IL12RB1: variants seen among roughly 807,000 people sequenced by gnomAD.
The protein encoded by IL12RB1 is interleukin 12 receptor subunit beta 1.
IL12RB1 carries 64 observed loss-of-function variants against 94.4 expected under a neutral mutation model. The ratio of observed to expected loss-of-function variants is 0.68; its 90% confidence interval spans 0.55 to 0.83. The LOEUF is 0.83. IL12RB1 is among the 40% of genes least tolerant of loss of function. The pLI is 0.00. For synonymous variants in IL12RB1, 362 were observed against 355.5 expected, an observed-to-expected ratio of 1.02 and a Z score of -0.21; for missense variants, 814 against 855.6, an observed-to-expected ratio of 0.95 and a Z score of 0.61.
chr19:18,093,700 C>T (rs1261734795), intron 1 of IL12RB1, among the ~76,000 whole-genome samples: 1 of 152,176 alleles, frequency 6.6e-6, no homozygotes. Flanking sequence ...GAGTCTGAGT[C>T]ACATGTCCAC....
chr19:18,077,696 G>A (rs1230070380), intron 4 of IL12RB1, 41 bp from the exon 5 acceptor site: 9 of 1,348,990 alleles, frequency 6.7e-6, no homozygotes, highest in South Asian at 2.3e-5. Context: ...CAGCCCACAC[G>A]TATGTGAGTT....
chr19:18,080,860 A>AG lies in IL12RB1; in HGVS notation c.380dup (p.Glu128Ter), dbSNP rs1469690184. On this transcript the variant is annotated frameshift_variant, in exon 4 of 17. Transcript: ENST00000593993. LOFTEE classifies it high-confidence loss of function. The stretch of plus-strand genomic sequence containing the variant: ...AGTTGTAGAGCTGCAGGGTCACCTC[A>AG]GGAGACTTCTCTGTCTGGTTCCTGG... The AG allele has an allele frequency of 1.2e-6, 2 of 1,612,124 alleles. No individual in the cohort carries two copies. Among genetic ancestry groups the AG allele is most frequent in the African/African-American group, 2.7e-5 (2 of 74,898 alleles).
intron 16 of IL12RB1, 54 bp from the exon 17 acceptor site, chr19:18,059,667 T>C: frequency 2.6e-6 from 2 of 779,664 alleles, no homozygotes; most frequent in Non-Finnish European, 4.8e-6. Context: ...AGGGATTTGG[T>C]AGGGAATCAT....
upstream of IL12RB1, among the ~76,000 whole-genome samples, chr19:18,087,992 C>T (rs1386995125): frequency 2.0e-5 from 3 of 152,136 alleles, no homozygotes; most frequent in Admixed American, 6.5e-5. Context: ...CTGGGCTCAC[C>T]CCTCTAATCC....
chr19:18,078,384 G>A (rs891090324), intron 4 of IL12RB1, among the ~76,000 whole-genome samples: 7 of 151,996 alleles, frequency 4.6e-5, no homozygotes, highest in African/African-American at 1.7e-4. Context: ...TCCGGCCTGG[G>A]TGACAGAGCA....
intron 5 of IL12RB1, 49 bp downstream of exon 5, chr19:18,077,467 G>A (rs760174031): frequency 3.4e-6 from 5 of 1,460,220 alleles, no homozygotes; most frequent in Non-Finnish European, 4.7e-6. Flanking sequence ...GGGGGTGAAG[G>A]TGCCCTGGAG....
chr19:18,059,774 T>A, intron 16 of IL12RB1, 120 bp downstream of exon 16: 1 of 727,360 alleles, frequency 1.4e-6, no homozygotes, highest in Non-Finnish European at 2.6e-6. Flanking sequence ...ACAAAGTGGA[T>A]GTTTTCGTTT....
At chr19:18,059,853 G>C in intron 16 of IL12RB1, 41 bp downstream of exon 16, 252 of 1,051,358 alleles carry the variant, frequency 2.4e-4, no homozygotes, top group Non-Finnish European at 3.1e-4. Context: ...CCCCCGGGCA[G>C]GGTTGCACCC....
intron 14 of IL12RB1, 59 bp downstream of exon 14, chr19:18,062,122 G>C (rs2034179660): frequency 5.9e-6 from 7 of 1,182,284 alleles, no homozygotes; most frequent in South Asian, 2.4e-5. Flanking sequence ...CTCCACTTTA[G>C]GGCTCCCCTG....
chr19:18,084,690 C>T (rs577265138), intron 1 of IL12RB1, among the ~76,000 whole-genome samples: 3,423 of 137,518 alleles, frequency 0.025, 57 homozygotes, highest in Non-Finnish European at 0.038. Context: ...TCCATCCATC[C>T]ATCCATCCAT....
upstream of IL12RB1, among the ~76,000 whole-genome samples, chr19:18,087,157 T>C (rs558163996): frequency 1.3e-5 from 2 of 150,478 alleles, no homozygotes; most frequent in African/African-American, 4.9e-5. Flanking sequence ...CATGGGCCCA[T>C]GGGCCACCTG....
intron 1 of IL12RB1, among the ~76,000 whole-genome samples, chr19:18,096,818 C>T (rs1026050646): frequency 1.4e-5 from 2 of 144,024 alleles, no homozygotes; most frequent in African/African-American, 5.3e-5. Flanking sequence ...AACAGAGAGA[C>T]TCGTCTCATA....
chr19:18,062,212 C>A lies in IL12RB1; in HGVS notation c.1684G>T (p.Val562Leu). ...AGGCCAAGGTAGCCAAGGACGCCCACGAGAAGGATGCTCAGGAAGCTCCCC... is the reference window on the plus strand; with the variant it reads ...AGGCCAAGGTAGCCAAGGACGCCCAAGAGAAGGATGCTCAGGAAGCTCCCC... ...SLGSFLSILL[V>L]GVLGYLGLNR... Residue 562 changes from valine (V) to leucine (L), a missense_variant, in exon 14 of 17, where the codon GTG (valine) becomes TTG (leucine). Val to Leu is a conservative substitution (Grantham distance 32, BLOSUM62 1). Coordinates refer to ENST00000593993, the MANE Select transcript of IL12RB1 (RefSeq NM_005535.3). 1 of 1,613,382 alleles carries A rather than the reference C, an allele frequency of 6.2e-7. No homozygotes were observed. Among genetic ancestry groups the A allele is most frequent in the Non-Finnish European group, 8.5e-7 (1 of 1,179,518 alleles).
intron 4 of IL12RB1, among the ~76,000 whole-genome samples, chr19:18,078,494 T>C (rs1277176564): frequency 6.6e-6 from 1 of 151,956 alleles, no homozygotes; most frequent in Non-Finnish European, 1.5e-5. Flanking sequence ...AAGATAACTT[T>C]AAAATATTAA....
chr19:18,081,243 A>C (rs1426925795), intron 3 of IL12RB1, among the ~76,000 whole-genome samples: 1 of 151,908 alleles, frequency 6.6e-6, no homozygotes, highest in Non-Finnish European at 1.5e-5. Context: ...TTACAGGCAC[A>C]TGCCACCACA....
At position 18,068,271 on chromosome 19, in the gene IL12RB1, C is replaced by T. The variant is rs748901032; in HGVS notation, c.1327+118G>A. 7.4e-5 allele frequency: 53 copies of T among 717,250 alleles called. 1 individual carries two copies. The highest frequency in any genetic ancestry group is 1.1e-4 in the Non-Finnish European group (52 of 456,870). 44.4% of individuals were successfully genotyped at this position (717,250 alleles called of 1,614,324 possible). A position where few individuals can be genotyped will look rare whatever the true frequency, so the allele number is the denominator to read the frequency against. ...AAACTCCTGACCTCAGGTGATCCAC[C>T]CACCTTGGCCTCCCAAAGTGCTGGG... On this transcript the variant is annotated intron_variant, in intron 11 of 16. Transcript: ENST00000593993.
At chr19:18,069,524 G>A (rs780454477) in intron 10 of IL12RB1, 22 bp downstream of exon 10, 24 of 1,588,410 alleles carry the variant, frequency 1.5e-5, no homozygotes, top group Admixed American at 1.7e-5. Context: ...AGGGGTAGGC[G>A]CAGGCCATTC....
At chr19:18,060,563 G>C (rs141143215) in intron 15 of IL12RB1, among the ~76,000 whole-genome samples, 251 of 152,158 alleles carry the variant, frequency 1.6e-3, no homozygotes, top group African/African-American at 5.9e-3. Context: ...CTGTCTTTGG[G>C]AAATTTCCCT....
intron 4 of IL12RB1, among the ~76,000 whole-genome samples, chr19:18,078,242 C>G (rs1349466507): frequency 6.6e-6 from 1 of 151,998 alleles, no homozygotes; most frequent in Non-Finnish European, 1.5e-5. Context: ...AACACCGTCT[C>G]TACTAAATAC....
Sources: gnomAD v4.1 joint callset for allele counts (sites outside exome capture counted in the v4.1 genomes callset) on GRCh38, gnomAD v4.1.1 for gene constraint, MANE v1.5 for transcripts, NCBI Gene and HGNC (gene_info 2026-07-23, HGNC 2026-07-21) for gene names.